Variants in CSMD1 observed in about 807,000 individuals in gnomAD.
The protein encoded by CSMD1 is CUB and Sushi multiple domains 1, also known as CUB and sushi domain-containing protein 1.
A neutral mutation model predicts 417.5 loss-of-function variants in CSMD1; 213 were observed. The observed-to-expected ratio is 0.51, with a 90% confidence interval of 0.46 to 0.57. The LOEUF is 0.57. Ranked by LOEUF, CSMD1 falls within the 20% of genes least tolerant of loss-of-function variation. The probability of loss-of-function intolerance (pLI) is 0.00; values close to 1 mark genes in which losing one functional copy is unlikely to be tolerated. For missense variants in CSMD1, 6,923 were observed against 4,529.7 expected (o/e 1.53, Z -15.17); for synonymous variants, 2,862 against 1,736.8 (o/e 1.65, Z -16.11).
rs77438760 is a variant in CSMD1 at position 3,395,168 on chromosome 8, T to C, written c.2593+1026A>G. On this transcript the variant is annotated intron_variant, in intron 17 of 69. Transcript: ENST00000635120. Reference sequence around the variant, plus strand: ...AGACATGATTCTATGCATGCATTTGTAAAATCATACGTGTGGGTATATGTA... The same window carrying C: ...AGACATGATTCTATGCATGCATTTGCAAAATCATACGTGTGGGTATATGTA... Among the ~76,000 whole-genome samples the C allele has an allele frequency of 4.8e-3, 736 of 152,278 alleles. 4 individuals carry two copies. The highest frequency in any genetic ancestry group is 0.017 in the African/African-American group (690 of 41,558).
At chr8:4,189,011 C>G (rs781666030) in intron 3 of CSMD1, among the ~76,000 whole-genome samples, 1 of 152,040 alleles carries the variant, frequency 6.6e-6, no homozygotes, top group African/African-American at 2.4e-5. Flanking sequence ...CAGAAATACA[C>G]GGTTACTGGG....
intron 7 of CSMD1, among the ~76,000 whole-genome samples, chr8:3,686,004 C>T (rs1799926164): frequency 6.6e-6 from 1 of 151,984 alleles, no homozygotes; most frequent in Non-Finnish European, 1.5e-5. Context: ...ATTATTCTTT[C>T]TTTCTTTCTG....
intron 48 of CSMD1, 136 bp from the exon 49 acceptor site, chr8:3,087,421 G>A: frequency 2.3e-6 from 2 of 870,552 alleles, no homozygotes; most frequent in South Asian, 3.4e-5. Flanking sequence ...ATGTAAGTTT[G>A]TTCTAAAGAG....
intron 3 of CSMD1, among the ~76,000 whole-genome samples, chr8:4,369,671 T>C (rs1343132049): frequency 6.6e-6 from 1 of 152,224 alleles, no homozygotes; most frequent in African/African-American, 2.4e-5. Flanking sequence ...CTTGTTGAGT[T>C]GAGCCCTTTA....
At chr8:3,549,756 G>C (rs574083726) in intron 10 of CSMD1, among the ~76,000 whole-genome samples, 1 of 152,090 alleles carries the variant, frequency 6.6e-6, no homozygotes, top group Non-Finnish European at 1.5e-5. Context: ...CCCAGATACA[G>C]TTCCTTGACT....
At chr8:3,140,598 T>C (rs1046119491) in intron 41 of CSMD1, among the ~76,000 whole-genome samples, 10 of 152,024 alleles carry the variant, frequency 6.6e-5, no homozygotes, top group Admixed American at 5.2e-4. Flanking sequence ...TTTTATATTT[T>C]AGGTGAGACT....
intron 1 of CSMD1, among the ~76,000 whole-genome samples, chr8:4,822,186 A>G (rs1205001250): frequency 6.6e-6 from 1 of 152,128 alleles, no homozygotes; most frequent in African/African-American, 2.4e-5. Flanking sequence ...CATTCCAGCA[A>G]AGTAAAATAA....
chr8:3,836,773 C>T (rs1178464631), intron 5 of CSMD1, among the ~76,000 whole-genome samples: 1 of 152,060 alleles, frequency 6.6e-6, no homozygotes, highest in Non-Finnish European at 1.5e-5. Context: ...TTTCTCACTG[C>T]ACAATCTTAG....
At chr8:3,074,755 C>T (rs551662979) in intron 49 of CSMD1, among the ~76,000 whole-genome samples, 91 of 152,190 alleles carry the variant, frequency 6.0e-4, no homozygotes, top group African/African-American at 2.0e-3. Flanking sequence ...GAATTTTTGG[C>T]ATTTTATTAT....
At chr8:4,790,619 G>C (rs1797638162) in intron 1 of CSMD1, among the ~76,000 whole-genome samples, 1 of 152,110 alleles carries the variant, frequency 6.6e-6, no homozygotes, top group African/African-American at 2.4e-5. Context: ...GCACGGTACT[G>C]GTACAAAAGC....
At chr8:3,425,208 G>C (rs1813755615) in intron 12 of CSMD1, among the ~76,000 whole-genome samples, 1 of 152,190 alleles carries the variant, frequency 6.6e-6, no homozygotes, top group Admixed American at 6.5e-5. Context: ...CATAGAGAAA[G>C]CATAATACAT....
At chr8:3,739,962 T>C (rs927467608) in intron 6 of CSMD1, among the ~76,000 whole-genome samples, 3 of 152,326 alleles carry the variant, frequency 2.0e-5, no homozygotes, top group African/African-American at 7.2e-5. Context: ...CAGAGTTCGA[T>C]TCTCCTTCAT....
chr8:3,946,945 T>C (rs994287384), intron 5 of CSMD1, among the ~76,000 whole-genome samples: 2 of 152,208 alleles, frequency 1.3e-5, no homozygotes, highest in Non-Finnish European at 2.9e-5. Context: ...AACTTTTGTA[T>C]AGATTTAAAA....
At chr8:4,799,042 G>C (rs1798135330) in intron 1 of CSMD1, among the ~76,000 whole-genome samples, 1 of 152,150 alleles carries the variant, frequency 6.6e-6, no homozygotes, top group Non-Finnish European at 1.5e-5. Flanking sequence ...GCAGGAGCGT[G>C]GGCTGGTGAG....
intron 17 of CSMD1, among the ~76,000 whole-genome samples, chr8:3,391,496 G>A (rs780463055): frequency 6.6e-6 from 1 of 152,190 alleles, no homozygotes; most frequent in Non-Finnish European, 1.5e-5. Context: ...GAGCGAGAAT[G>A]CAATCGCTAT....
At chr8:4,579,420 G>A (rs953889860) in intron 2 of CSMD1, among the ~76,000 whole-genome samples, 9 of 151,868 alleles carry the variant, frequency 5.9e-5, no homozygotes, top group African/African-American at 9.7e-5. Context: ...GTACAATGGC[G>A]TGATCTCAGC....
chr8:4,854,833 G>C (rs1026187847), intron 1 of CSMD1, among the ~76,000 whole-genome samples: 2 of 152,174 alleles, frequency 1.3e-5, no homozygotes, highest in Admixed American at 1.3e-4. Context: ...AGCGAGGCTG[G>C]GGGAGGGGCG....
At chr8:4,034,613 G>C (rs544464907) in intron 3 of CSMD1, among the ~76,000 whole-genome samples, 1 of 152,236 alleles carries the variant, frequency 6.6e-6, no homozygotes, top group Non-Finnish European at 1.5e-5. Flanking sequence ...GCTGAGCCGA[G>C]AGCTCTTACA....
chr8:4,339,811 G>A (rs184544646), intron 3 of CSMD1, among the ~76,000 whole-genome samples: 6 of 152,122 alleles, frequency 3.9e-5, no homozygotes, highest in African/African-American at 1.2e-4. Flanking sequence ...ACCACTTGAG[G>A]CCAGGAGTTT....
Sources: allele counts gnomAD v4.1 joint callset (sites outside exome capture counted in the v4.1 genomes callset), GRCh38; gene constraint gnomAD v4.1.1; transcripts MANE v1.5; gene names NCBI Gene and HGNC (gene_info 2026-07-23, HGNC 2026-07-21).